N4BP1: variants seen among roughly 807,000 people sequenced by gnomAD.
N4BP1 encodes NEDD4-binding protein 1.
N4BP1 carries 21 observed loss-of-function variants against 70.9 expected under a neutral mutation model. That is an observed-to-expected ratio of 0.30 (90% CI 0.21 to 0.43). The LOEUF (loss-of-function observed/expected upper bound fraction) is 0.43. Among genes scored for constraint, N4BP1 ranks in the 20% least tolerant of loss-of-function variants. N4BP1 has a pLI of 1.00. For synonymous variants in N4BP1, 387 were observed against 394.6 expected (o/e 0.98, Z 0.23); for missense variants, 936 against 1,069.4 (o/e 0.88, Z 1.74).
At chr16:48,596,491 A>G (rs2151100863) in intron 1 of N4BP1, among the ~76,000 whole-genome samples, 2 of 152,290 alleles carry the variant, frequency 1.3e-5, no homozygotes, top group South Asian at 4.1e-4. Context: ...AGAGTGACTG[A>G]CGGCCCTTTC....
At chr16:48,546,106 A>G (rs1331959501) in intron 6 of N4BP1, 41 bp downstream of exon 6, 1 of 1,320,978 alleles carries the variant, frequency 7.6e-7, no homozygotes, top group Non-Finnish European at 1.1e-6. Context: ...AAAGAATTGA[A>G]ATAGAAGTTT....
chr16:48,567,857 C>G (rs1267846740), intron 1 of N4BP1, among the ~76,000 whole-genome samples: 1 of 152,168 alleles, frequency 6.6e-6, no homozygotes, highest in Non-Finnish European at 1.5e-5. Context: ...TGGTCCCCAG[C>G]TTGTCTGGAG....
chr16:48,543,305 C>CA, intron 6 of N4BP1, 44 bp from the exon 7 acceptor site: 1 of 1,409,108 alleles, frequency 7.1e-7, no homozygotes, highest in Non-Finnish European at 9.4e-7. Context: ...TATAAGTAAA[C>CA]AAAAAATCAT....
At chr16:48,566,343 C>A (rs1309246050) in intron 1 of N4BP1, among the ~76,000 whole-genome samples, 1 of 152,152 alleles carries the variant, frequency 6.6e-6, no homozygotes, top group Non-Finnish European at 1.5e-5. Context: ...CTGGGCCCAG[C>A]CTCTTCTTTT....
At chr16:48,605,283 G>A (rs896060981) in intron 1 of N4BP1, among the ~76,000 whole-genome samples, 2 of 152,092 alleles carry the variant, frequency 1.3e-5, no homozygotes, top group African/African-American at 2.4e-5. Flanking sequence ...AGACCACTCG[G>A]CATCCCAAAG....
chr16:48,570,109 GCCA>G (rs1032109694), intron 1 of N4BP1, among the ~76,000 whole-genome samples: 3 of 146,430 alleles, frequency 2.0e-5, no homozygotes, highest in African/African-American at 5.1e-5. Context: ...AGCTTCGATT[GCCA>G]CCACATGATT....
intron 1 of N4BP1, among the ~76,000 whole-genome samples, chr16:48,571,212 T>C (rs998298895): frequency 1.4e-4 from 22 of 152,246 alleles, no homozygotes; most frequent in African/African-American, 5.3e-4. Flanking sequence ...TTGAGATTAC[T>C]GTGCAGACAC....
chr16:48,550,415 T>C (rs1963649116), intron 4 of N4BP1, among the ~76,000 whole-genome samples: 1 of 152,020 alleles, frequency 6.6e-6, no homozygotes, highest in African/African-American at 2.4e-5. Flanking sequence ...CTTGGGAAGC[T>C]GAGACAGGAG....
At chr16:48,600,237 T>A in intron 1 of N4BP1, 3 of 845,630 alleles carry the variant, frequency 3.5e-6, no homozygotes, top group Middle Eastern at 3.0e-4. Context: ...CCGCAACGAC[T>A]GAAAGGTGTT....
intron 1 of N4BP1, among the ~76,000 whole-genome samples, chr16:48,580,623 C>CA (rs984645096): frequency 2.0e-5 from 3 of 151,914 alleles, no homozygotes; most frequent in African/African-American, 7.3e-5. Flanking sequence ...GAGGATAAAA[C>CA]AAAAAAAGAA....
chr16:48,599,859 T>C (rs537161578), intron 1 of N4BP1, among the ~76,000 whole-genome samples: 1 of 152,172 alleles, frequency 6.6e-6, no homozygotes, highest in Non-Finnish European at 1.5e-5. Context: ...GGAGCTGCAG[T>C]GGTCATTTTG....
intron 1 of N4BP1, chr16:48,587,252 T>C (rs561564837): frequency 6.6e-6 from 1 of 152,286 alleles, no homozygotes; most frequent in East Asian, 1.9e-4. Context: ...GACACAAACT[T>C]TGGAGTATAA....
intron 6 of N4BP1, among the ~76,000 whole-genome samples, chr16:48,545,618 T>C (rs887569376): frequency 6.6e-6 from 1 of 151,834 alleles, no homozygotes; most frequent in Non-Finnish European, 1.5e-5. Flanking sequence ...ACAAAAAAAG[T>C]TTGGCTCCTG....
chr16:48,593,995 C>T (rs1225492230), intron 1 of N4BP1, among the ~76,000 whole-genome samples: 1 of 119,076 alleles, frequency 8.4e-6, no homozygotes, highest in Admixed American at 8.3e-5. Context: ...GAGCAAGACT[C>T]CGTCTCAAAA....
At chr16:48,543,322 A>AT (rs1963536756) in intron 6 of N4BP1, 61 bp from the exon 7 acceptor site, 1 of 1,338,176 alleles carries the variant, frequency 7.5e-7, no homozygotes, top group Admixed American at 3.0e-5. Context: ...TCATAGAGCT[A>AT]TTTTAGAAGG....
intron 1 of N4BP1, among the ~76,000 whole-genome samples, chr16:48,601,603 C>T (rs1964500331): frequency 6.6e-6 from 1 of 152,144 alleles, no homozygotes; most frequent in Non-Finnish European, 1.5e-5. Flanking sequence ...TGGATTTATT[C>T]CTACAGCTCT....
intron 1 of N4BP1, 71 bp downstream of exon 1, chr16:48,609,704 G>T: frequency 8.4e-7 from 1 of 1,196,004 alleles, no homozygotes. Context: ...GGCGGGGGCG[G>T]GGAGGAGCGG....
intron 1 of N4BP1, among the ~76,000 whole-genome samples, chr16:48,595,456 C>CA (rs373163833): frequency 0.031 from 1,776 of 56,706 alleles, 139 homozygotes; most frequent in African/African-American, 0.061. Context: ...GACTCTGTCT[C>CA]AAAAAAAAAA....
chr16:48,589,785 A>G (rs1285270648), intron 1 of N4BP1, among the ~76,000 whole-genome samples: 1 of 152,230 alleles, frequency 6.6e-6, no homozygotes, highest in African/African-American at 2.4e-5. Context: ...TGCAAAAATT[A>G]TAACTGAGGA....
Sources: gnomAD v4.1 joint callset for allele counts (sites outside exome capture counted in the v4.1 genomes callset) on GRCh38, gnomAD v4.1.1 for gene constraint, MANE v1.5 for transcripts, NCBI Gene and HGNC (gene_info 2026-07-23, HGNC 2026-07-21) for gene names.